The following SDK1 variants were observed in gnomAD, a reference collection of about 807,000 sequenced individuals.
The protein encoded by SDK1 is sidekick cell adhesion molecule 1.
Under a neutral mutation model 245.5 loss-of-function variants are expected in SDK1, and 157 were observed. The observed-to-expected ratio is 0.64, with a 90% CI of 0.56 to 0.73. The LOEUF (loss-of-function observed/expected upper bound fraction) is 0.73. Ranked by LOEUF, SDK1 falls within the 30% of genes least tolerant of loss-of-function variation. The pLI is 0.00. For missense variants in SDK1, 3,583 were observed against 3,002.3 expected, an observed-to-expected ratio of 1.19 and a Z score of -4.52; for synonymous variants, 1,647 against 1,278.5, an observed-to-expected ratio of 1.29 and a Z score of -6.15.
intron 1 of SDK1, among the ~76,000 whole-genome samples, chr7:3,503,091 G>T (rs1039795072): frequency 3.3e-5 from 5 of 152,132 alleles, no homozygotes; most frequent in African/African-American, 1.2e-4. Flanking sequence ...AATTAAAATT[G>T]TATGGAGACA....
chr7:3,369,155 A>G (rs2128562818), intron 1 of SDK1, among the ~76,000 whole-genome samples: 1 of 151,912 alleles, frequency 6.6e-6, no homozygotes, highest in Non-Finnish European at 1.5e-5. Flanking sequence ...AGCAATTGTC[A>G]TGCCTCAGTT....
intron 1 of SDK1, among the ~76,000 whole-genome samples, chr7:3,311,136 A>G (rs78395120): frequency 0.022 from 3,412 of 152,222 alleles, 139 homozygotes; most frequent in African/African-American, 0.077. Context: ...GTATTATACT[A>G]ATATTAGCCT....
At position 3,627,031 on chromosome 7, in the gene SDK1, C is replaced by T. The variant is rs572167664; in HGVS notation, c.458+7792C>T. Among the ~76,000 whole-genome samples, 13 of 152,126 alleles carry T rather than the reference C, an allele frequency of 8.5e-5. No individual in the cohort carries two copies. The East Asian group carries it at 1.9e-3, about 23-fold the overall frequency. On this transcript the variant is annotated intron_variant, in intron 2 of 44. Coordinates refer to ENST00000404826, the MANE Select transcript of SDK1 (RefSeq NM_152744.4). ...CAGCCTCGACCTCCCGGGCTCAGTT[C>T]ATACTCCCACCTCAGCTTCCCACGT...
chr7:3,561,944 G>A (rs919952260), intron 1 of SDK1, among the ~76,000 whole-genome samples: 8 of 152,072 alleles, frequency 5.3e-5, no homozygotes, highest in African/African-American at 1.7e-4. Context: ...TCATTTTCTT[G>A]TTAAAATGGA....
chr7:3,482,106 T>C (rs1471403481), intron 1 of SDK1, among the ~76,000 whole-genome samples: 1 of 152,194 alleles, frequency 6.6e-6, no homozygotes, highest in Non-Finnish European at 1.5e-5. Context: ...CCAGACATTG[T>C]AAAGCTATAG....
chr7:3,345,800 A>T (rs1780476528), intron 1 of SDK1, among the ~76,000 whole-genome samples: 1 of 152,138 alleles, frequency 6.6e-6, no homozygotes, highest in African/African-American at 2.4e-5. Flanking sequence ...GAGATTTTTC[A>T]TATTGAATAG....
At chr7:3,395,556 G>C (rs1229987493) in intron 1 of SDK1, among the ~76,000 whole-genome samples, 1 of 151,840 alleles carries the variant, frequency 6.6e-6, no homozygotes, top group African/African-American at 2.4e-5. Flanking sequence ...GGAAGAATTT[G>C]TGGAGTATTA....
chr7:3,889,498 T>G (rs928061023), intron 5 of SDK1, among the ~76,000 whole-genome samples: 4 of 152,058 alleles, frequency 2.6e-5, no homozygotes, highest in Non-Finnish European at 4.4e-5. Flanking sequence ...CCAGTGGCAT[T>G]CTGGCTAGAT....
At chr7:3,954,026 G>A (rs1364775167) in intron 7 of SDK1, among the ~76,000 whole-genome samples, 1 of 152,122 alleles carries the variant, frequency 6.6e-6, no homozygotes, top group Non-Finnish European at 1.5e-5. Flanking sequence ...CCACCCGTAG[G>A]AGCACACAGG....
At chr7:4,107,426 T>C (rs530942425) in intron 22 of SDK1, among the ~76,000 whole-genome samples, 1 of 152,160 alleles carries the variant, frequency 6.6e-6, no homozygotes, top group Non-Finnish European at 1.5e-5. Context: ...TTATACGTGA[T>C]TGATAAAAGG....
At chr7:4,081,910 A>T (rs1355909261) in intron 22 of SDK1, among the ~76,000 whole-genome samples, 1 of 152,156 alleles carries the variant, frequency 6.6e-6, no homozygotes, top group South Asian at 2.1e-4. Flanking sequence ...CCCCATACAC[A>T]TCACACATGT....
chr7:3,885,833 T>C (rs960919651), intron 5 of SDK1, among the ~76,000 whole-genome samples: 1 of 152,210 alleles, frequency 6.6e-6, no homozygotes, highest in Non-Finnish European at 1.5e-5. Context: ...ACAATGGTGA[T>C]GACAAATGCT....
chr7:4,090,017 T>A (rs986489370), intron 22 of SDK1, among the ~76,000 whole-genome samples: 1 of 152,214 alleles, frequency 6.6e-6, no homozygotes, highest in Non-Finnish European at 1.5e-5. Flanking sequence ...TTTATCCCAG[T>A]GTCTTTAGGA....
intron 40 of SDK1, among the ~76,000 whole-genome samples, chr7:4,222,781 G>A (rs1272728365): frequency 6.6e-6 from 1 of 152,184 alleles, no homozygotes. Flanking sequence ...GGTAAAGGAT[G>A]TGAGTTTGGC....
At position 3,603,743 on chromosome 7, in the gene SDK1, G is replaced by T. The variant is rs540558072; in HGVS notation, c.299-15337G>T. On this transcript the variant is annotated intron_variant, in intron 1 of 44. Coordinates refer to ENST00000404826, the MANE Select transcript of SDK1 (RefSeq NM_152744.4). ...TGTTGAATAGGAGTGCTGAGAGAGG[G>T]CATCCCTGTCTTGTGCCCGTTTTTA... 1.0e-3 allele frequency among the ~76,000 whole-genome samples: 157 copies of T among 152,280 alleles called. 2 individuals are homozygous for T. In the South Asian group the frequency reaches 0.032, roughly 31 times the overall value.
At chr7:3,538,959 C>T (rs1778974499) in intron 1 of SDK1, among the ~76,000 whole-genome samples, 1 of 152,230 alleles carries the variant, frequency 6.6e-6, no homozygotes, top group African/African-American at 2.4e-5. Context: ...TTTCTTGTTC[C>T]TGTCCCATCC....
chr7:3,898,418 G>A (rs1781676095), intron 5 of SDK1, among the ~76,000 whole-genome samples: 1 of 152,120 alleles, frequency 6.6e-6, no homozygotes, highest in South Asian at 2.1e-4. Context: ...ATTCTAACTA[G>A]CTTTTTTAAA....
intron 1 of SDK1, among the ~76,000 whole-genome samples, chr7:3,438,581 G>A (rs1476461524): frequency 6.6e-6 from 1 of 152,174 alleles, no homozygotes; most frequent in Non-Finnish European, 1.5e-5. Context: ...GCAGGAGTTG[G>A]TCAGTAGGAT....
At chr7:3,720,149 G>A (rs547275267) in intron 4 of SDK1, among the ~76,000 whole-genome samples, 22 of 152,040 alleles carry the variant, frequency 1.4e-4, no homozygotes, top group Non-Finnish European at 2.6e-4. Flanking sequence ...CCAGCCACTC[G>A]GGAGGCTGAG....
Sources: allele counts gnomAD v4.1 joint callset (sites outside exome capture counted in the v4.1 genomes callset), GRCh38; gene constraint gnomAD v4.1.1; transcripts MANE v1.5; gene names NCBI Gene and HGNC (gene_info 2026-07-23, HGNC 2026-07-21).